USP42: variants seen among roughly 807,000 people sequenced by gnomAD.
USP42 encodes the protein ubiquitin specific peptidase 42, also known as ubiquitin carboxyl-terminal hydrolase 42.
A neutral mutation model predicts 113.0 loss-of-function variants in USP42; 23 were observed. That is an observed-to-expected ratio of 0.20 (90% CI 0.15 to 0.29). The LOEUF (loss-of-function observed/expected upper bound fraction) is 0.29, where lower values mean the gene tolerates loss of function less well. Among genes scored for constraint, USP42 ranks in the 10% least tolerant of loss-of-function variants. The pLI is 1.00. For synonymous variants in USP42, 933 were observed against 699.0 expected (o/e 1.33, Z -5.28); for missense variants, 2,174 against 1,779.8 (o/e 1.22, Z -3.99).
chr7:6,096,549 T>TG, the USP42 span, among the ~76,000 whole-genome samples: 2 of 151,306 alleles, frequency 1.3e-5, no homozygotes, highest in Non-Finnish European at 2.9e-5. Flanking sequence ...TGTACGTTGT[T>TG]GGGGTCTGTC....
chr7:6,107,610 T>C (rs2128473939), intron 1 of USP42, among the ~76,000 whole-genome samples: 1 of 152,212 alleles, frequency 6.6e-6, no homozygotes, highest in Non-Finnish European at 1.5e-5. Context: ...GATTTCTCCA[T>C]GTTGGTCAGG....
intron 4 of USP42, among the ~76,000 whole-genome samples, chr7:6,136,772 G>T (rs1185491981): frequency 6.6e-6 from 1 of 151,310 alleles, no homozygotes; most frequent in African/African-American, 2.4e-5. Flanking sequence ...AATAAAATAA[G>T]AAATAAATAA....
intron 3 of USP42, among the ~76,000 whole-genome samples, chr7:6,125,878 A>G (rs1780516468): frequency 6.7e-6 from 1 of 148,528 alleles, no homozygotes; most frequent in Non-Finnish European, 1.5e-5. Context: ...TCAACTTTTT[A>G]TTTGTGGTAA....
intron 3 of USP42, among the ~76,000 whole-genome samples, chr7:6,135,372 G>A (rs559408928): frequency 6.6e-6 from 1 of 152,032 alleles, no homozygotes; most frequent in Non-Finnish European, 1.5e-5. Context: ...AATGAGGCTG[G>A]GGTGGTGGCT....
intron 12 of USP42, among the ~76,000 whole-genome samples, chr7:6,148,713 C>T (rs771138117): frequency 1.5e-4 from 23 of 152,102 alleles, no homozygotes; most frequent in Non-Finnish European, 2.6e-4. Context: ...CACAGCTTTT[C>T]GACTTGAGTT....
chr7:6,092,030 T>C, the USP42 span, among the ~76,000 whole-genome samples: 3 of 110,110 alleles, frequency 2.7e-5, no homozygotes, highest in African/African-American at 1.1e-4. Flanking sequence ...CTTCTTCTTC[T>C]TCTTCTTCTT....
chr7:6,143,539 A>G (rs1384431045), intron 8 of USP42, among the ~76,000 whole-genome samples: 2 of 152,142 alleles, frequency 1.3e-5, no homozygotes, highest in African/African-American at 4.8e-5. Context: ...GCTCTTTTGT[A>G]TGTTTTTAAG....
intron 11 of USP42, among the ~76,000 whole-genome samples, chr7:6,147,461 A>G (rs944716381): frequency 2.6e-5 from 4 of 152,190 alleles, no homozygotes; most frequent in African/African-American, 7.2e-5. Flanking sequence ...GGAAAATATA[A>G]ATAAACAGAA....
Position 6,145,045 on chromosome 7 carries a change from G to A in USP42, c.991-471G>A, listed in dbSNP as rs187283160. On this transcript the variant is annotated intron_variant, in intron 9 of 17. Coordinates refer to ENST00000306177, the MANE Select transcript of USP42 (RefSeq NM_032172.3). The stretch of plus-strand genomic sequence containing the variant: ...CCCGGTTAACCATGCCCTTTGAAAG[G>A]TGGCTAGGCCAGGTGCAGTGGCTCA... Among the ~76,000 whole-genome samples the A allele has an allele frequency of 1.2e-4, 18 of 152,196 alleles. No homozygotes were observed. In the East Asian group the frequency reaches 2.9e-3, roughly 25 times the overall value.
At chr7:6,083,794 C>T in the USP42 span, among the ~76,000 whole-genome samples, 4 of 150,738 alleles carry the variant, frequency 2.7e-5, no homozygotes, top group Non-Finnish European at 5.9e-5. Context: ...GTAAATTCCT[C>T]TTTTTTTCCC....
intron 1 of USP42, among the ~76,000 whole-genome samples, 190 bp from the exon 2 acceptor site, chr7:6,110,935 T>G (rs1779565025): frequency 6.6e-6 from 1 of 152,224 alleles, no homozygotes; most frequent in Non-Finnish European, 1.5e-5. Context: ...ACATTCAGAT[T>G]ATCATGATGC....
chr7:6,131,971 C>T (rs1780875411), intron 3 of USP42, among the ~76,000 whole-genome samples: 1 of 152,196 alleles, frequency 6.6e-6, no homozygotes, highest in African/African-American at 2.4e-5. Context: ...CTGTCACTCT[C>T]ACCCAGGCTA....
At chr7:6,137,602 C>T (rs148531501) in intron 4 of USP42, among the ~76,000 whole-genome samples, 1,768 of 152,298 alleles carry the variant, frequency 0.012, 21 homozygotes, top group Non-Finnish European at 0.016. Context: ...AGGTGATCCA[C>T]CCGTCTTGGC....
At chr7:6,087,389 G>C in the USP42 span, among the ~76,000 whole-genome samples, 60 of 134,232 alleles carry the variant, frequency 4.5e-4, 1 homozygote, top group East Asian at 6.7e-4. Flanking sequence ...CTGTTGTCCA[G>C]ACTGGAGTGT....
intron 15 of USP42, among the ~76,000 whole-genome samples, chr7:6,156,284 C>T (rs1024770457): frequency 6.6e-6 from 1 of 152,208 alleles, no homozygotes; most frequent in African/African-American, 2.4e-5. Context: ...TTTCCTTTCC[C>T]TTCAAGTAAC....
At chr7:6,086,674 C>G in the USP42 span, among the ~76,000 whole-genome samples, 1 of 142,822 alleles carries the variant, frequency 7.0e-6, no homozygotes, top group Non-Finnish European at 1.5e-5. Context: ...CTTCCCCCTT[C>G]CCTTCCCCCT....
rs905171343 is a variant in USP42, at chr7:6,139,369, A to G, written c.656+175A>G. On this transcript the variant is annotated intron_variant, in intron 5 of 17. Transcript: ENST00000306177. The surrounding 1 kb of genome is among the most constrained non-coding windows in gnomAD (Gnocchi z 4.5). ...GATGTGCATTATTTTAAAATGGTTG[A>G]AATTTACACGTGTGTCTTACGTAAC... 3.2e-5 allele frequency: 16 copies of G among 501,410 alleles called. No homozygotes were observed. In the Admixed American group the frequency reaches 5.9e-4, roughly 19 times the overall value. 31.1% of individuals were successfully genotyped at this position (501,410 alleles called of 1,614,324 possible). A position where few individuals can be genotyped will look rare whatever the true frequency, so the allele number is the denominator to read the frequency against.
chr7:6,142,848 C>A, intron 7 of USP42, 84 bp from the exon 8 acceptor site: 1 of 1,316,380 alleles, frequency 7.6e-7, no homozygotes, highest in Non-Finnish European at 1.1e-6. Flanking sequence ...TGTGCCACTG[C>A]ACTCCAGCCT....
chr7:6,105,661 G>T (rs1167102918), intron 1 of USP42, among the ~76,000 whole-genome samples: 1 of 152,220 alleles, frequency 6.6e-6, no homozygotes, highest in Admixed American at 6.5e-5. Flanking sequence ...CGGCCACCCC[G>T]AAGGGAGAGG....
Sources: allele counts gnomAD v4.1 joint callset (sites outside exome capture counted in the v4.1 genomes callset), GRCh38; gene constraint gnomAD v4.1.1; non-coding constraint Gnocchi (gnomAD v3.1); transcripts MANE v1.5; gene names NCBI Gene and HGNC (gene_info 2026-07-23, HGNC 2026-07-21).